Variants in GOLGA6L2 observed in about 807,000 individuals in gnomAD.
GOLGA6L2 encodes golgin A6 family like 2.
Under a neutral mutation model 35.9 loss-of-function variants are expected in GOLGA6L2, and 30 were observed. The ratio of observed to expected loss-of-function variants is 0.83; its 90% confidence interval spans 0.62 to 1.13. The LOEUF (loss-of-function observed/expected upper bound fraction) is 1.13, where lower values mean the gene tolerates loss of function less well. Among genes scored for constraint, GOLGA6L2 ranks in the 50% most tolerant of loss-of-function variants. GOLGA6L2 has a pLI of 0.00. For missense variants in GOLGA6L2, 821 were observed against 973.4 expected, an observed-to-expected ratio of 0.84 and a Z score of 2.08; for synonymous variants, 297 against 344.0, an observed-to-expected ratio of 0.86 and a Z score of 1.51.
rs776370607 is a variant in GOLGA6L2 at position 23,441,222 on chromosome 15, T to A, written c.1253A>T (p.Lys418Met). The A allele has an allele frequency of 1.2e-5, 18 of 1,539,222 alleles. No homozygotes were observed. The South Asian group carries it at 2.1e-4, about 18-fold the overall frequency. ...EKEERMREQE[K>M]MWEQVEKMRE... The stretch of plus-strand genomic sequence containing the variant: ...CATCTTCTCCACCTGCTCCCACATC[T>A]TCTCCTGCTCCCGCATCCTCTCCTC... The change falls in exon 8 of 8, where the codon AAG (lysine) becomes ATG (methionine). Residue 418 changes from lysine (K) to methionine (M), a missense_variant. This residue lies in a region of GOLGA6L2 where 614 missense variants were observed against 632.3 expected (regional missense o/e 0.97). Transcript: ENST00000567107.
Position 23,441,172 on chromosome 15 carries a change from G to A in GOLGA6L2, c.1303C>T (p.Gln435Ter). Reference protein sequence around the residue: ...KMREEKKMQEQEKKTRDQEEK... With the variant: ...KMREEKKMQE The stretch of plus-strand genomic sequence containing the variant: ...TCCTGGTCCCGCGTCTTCTTCTCCT[G>A]CTCCTGCATCTTCTTCTCCTCCCGC... Residue 435 changes from glutamine to a stop codon, truncating the protein, a stop_gained, in exon 8 of 8, where the codon CAG becomes TAG. Transcript: ENST00000567107. LOFTEE classifies it low-confidence loss of function (END_TRUNC). 1 of 1,522,988 alleles carries A rather than the reference G, an allele frequency of 6.6e-7. No homozygotes were observed. The highest frequency in any genetic ancestry group is 8.7e-7 in the Non-Finnish European group (1 of 1,143,460). The allele number at this position is 1,522,988 out of a possible 1,614,324, so 94.3% of individuals were successfully genotyped here.
chr15:23,440,858 C>A lies in GOLGA6L2; in HGVS notation c.1617G>T (p.Met539Ile). The A allele has an allele frequency of 6.6e-7, 1 of 1,504,220 alleles. No homozygotes were observed. 93.2% of individuals were successfully genotyped at this position (1,504,220 alleles called of 1,614,324 possible). Reference sequence around the variant, plus strand: ...CTGTCTCCACATCTTCCTGCTCCCGCATCTTCTCCTGCCGCCACATCTTCT... The same window carrying A: ...CTGTCTCCACATCTTCCTGCTCCCGAATCTTCTCCTGCCGCCACATCTTCT... ...QEKKMWRQEK[M>I]REQEDVETGG... Residue 539 changes from methionine to isoleucine, a missense_variant, in exon 8 of 8, where the codon ATG (methionine) becomes ATT (isoleucine). By Grantham distance (10) the Met-to-Ile change is conservative (BLOSUM62 1). Around this residue, in one of 7 missense-constraint regions of GOLGA6L2, gnomAD observed 614 missense variants for 632.3 expected, o/e 0.97. Coordinates refer to ENST00000567107, the MANE Select transcript of GOLGA6L2 (RefSeq NM_001304388.2).
chr15:23,446,029 C>A (rs1377638379), intron 1 of GOLGA6L2, among the ~76,000 whole-genome samples: 2 of 152,164 alleles, frequency 1.3e-5, no homozygotes, highest in Non-Finnish European at 1.5e-5. Context: ...TCCTGTGGCA[C>A]TCAAAGTACC....
chr15:23,446,387 G>C (rs1886785128), intron 1 of GOLGA6L2, among the ~76,000 whole-genome samples: 2 of 152,170 alleles, frequency 1.3e-5, no homozygotes. Flanking sequence ...TAGGTCACAT[G>C]GTCCCTACTC....
chr15:23,439,701 C>T lies in GOLGA6L2; in HGVS notation c.*44G>A. ...GGGTTGTCCTGCGGAGAACCCTCCC[C>T]AGCCTCTCCTCCTGCAGGCTCCACA... On this transcript the variant is annotated 3_prime_UTR_variant, in exon 8 of 8. Transcript: ENST00000567107. 1.3e-6 allele frequency: 2 copies of T among 1,537,524 alleles called. No homozygotes were observed. Among genetic ancestry groups the T allele is most frequent in the East Asian group, 2.4e-5 (1 of 40,932 alleles).
Position 23,441,965 on chromosome 15 carries a change from C to A in GOLGA6L2, c.792+14G>T. ...GATGGGTCTCCCACAACCCCTGGGGCTGCAGCCGCTCACCTGTGGCAGCAG... is the reference window on the plus strand; with the variant it reads ...GATGGGTCTCCCACAACCCCTGGGGATGCAGCCGCTCACCTGTGGCAGCAG... On this transcript the variant is annotated intron_variant, in intron 7 of 7. Transcript: ENST00000567107. 2.6e-6 allele frequency: 4 copies of A among 1,541,724 alleles called. No individual in the cohort carries two copies. Among genetic ancestry groups the A allele is most frequent in the Non-Finnish European group, 3.5e-6 (4 of 1,151,148 alleles).
Position 23,444,605 on chromosome 15 carries a change from C to T in GOLGA6L2, c.214-105G>A, listed in dbSNP as rs1480991604. ...GTCAGGAATGGATTTTAAAGGGCAA[C>T]GTTCTCAGACCCAATGGGAACATGA... On this transcript the variant is annotated intron_variant, in intron 2 of 7. Coordinates refer to ENST00000567107, the MANE Select transcript of GOLGA6L2 (RefSeq NM_001304388.2). The T allele has an allele frequency of 1.0e-4, 97 of 928,052 alleles. 1 individual carries two copies. The South Asian group carries it at 1.2e-3, about 12-fold the overall frequency. 57.5% of individuals were successfully genotyped at this position (928,052 alleles called of 1,614,324 possible). A position where few individuals can be genotyped will look rare whatever the true frequency, so the allele number is the denominator to read the frequency against.
chr15:23,442,197 G>A lies in GOLGA6L2; in HGVS notation c.651-77C>T, dbSNP rs58692594. On this transcript the variant is annotated intron_variant, in intron 6 of 7. Transcript: ENST00000567107. ...CTTTGGTGATCAACCCTCTACTCTCGCCCCACAAGCACAGAACCGTGGCAC... is the reference window on the plus strand; with the variant it reads ...CTTTGGTGATCAACCCTCTACTCTCACCCCACAAGCACAGAACCGTGGCAC... The A allele has an allele frequency of 8.6e-3, 12,661 of 1,465,686 alleles. 835 individuals are homozygous for A. In the African/African-American group the frequency reaches 0.15, roughly 17 times the overall value. The allele number at this position is 1,465,686 out of a possible 1,614,324, so 90.8% of individuals were successfully genotyped here.
At position 23,441,547 on chromosome 15, in the gene GOLGA6L2, G is replaced by A. The variant is rs926887499; in HGVS notation, c.928C>T (p.Arg310Trp). The change falls in exon 8 of 8, where the codon CGG (arginine) becomes TGG (tryptophan). Residue 310 changes from arginine to tryptophan, a missense_variant. Physicochemically the swap from Arg to Trp is moderately radical, Grantham distance 101 (BLOSUM62 -3). Around this residue, in one of 7 missense-constraint regions of GOLGA6L2, gnomAD observed 614 missense variants for 632.3 expected, o/e 0.97. Coordinates refer to ENST00000567107, the MANE Select transcript of GOLGA6L2 (RefSeq NM_001304388.2). ...ERLREQEGKM[R>W]EQEEKMRRQE... The stretch of plus-strand genomic sequence containing the variant: ...CTCCGCATCTTCTCCTCCTGCTCCC[G>A]CATCTTCCCCTCCTGCTCCCGCAGT... 65 of 1,449,406 alleles carry A rather than the reference G, an allele frequency of 4.5e-5. No homozygotes were observed. The highest frequency in any genetic ancestry group is 8.6e-5 in the African/African-American group (6 of 69,538). The allele number at this position is 1,449,406 out of a possible 1,614,324, so 89.8% of individuals were successfully genotyped here.
chr15:23,442,369 C>T, intron 6 of GOLGA6L2, 81 bp downstream of exon 6: 2 of 1,309,912 alleles, frequency 1.5e-6, no homozygotes, highest in South Asian at 1.3e-5. Context: ...CCCTACCATG[C>T]TCACCTGTAC....
At chr15:23,443,629 G>A in intron 5 of GOLGA6L2, 148 bp downstream of exon 5, 1 of 765,456 alleles carries the variant, frequency 1.3e-6, no homozygotes, top group South Asian at 1.5e-5. Flanking sequence ...GCCCCAACCT[G>A]CCTCTAATAA....
chr15:23,439,270 G>A lies in GOLGA6L2; in HGVS notation c.*475C>T, dbSNP rs150524137. ...TGTGATTACAGGCGTGCACAACCAC[G>A]CCCGGCTAACTTGTATTTTTAGTAG... On this transcript the variant is annotated 3_prime_UTR_variant, in exon 8 of 8. Coordinates refer to ENST00000567107, the MANE Select transcript of GOLGA6L2 (RefSeq NM_001304388.2). Among the ~76,000 whole-genome samples the A allele has an allele frequency of 5.8e-3, 857 of 148,402 alleles. 6 individuals carry two copies. Among genetic ancestry groups the A allele is most frequent in the African/African-American group, 0.019 (749 of 40,480 alleles).
rs1176199090 is a variant in GOLGA6L2 at position 23,447,097 on chromosome 15, C to A, written c.84+1G>T. ...GGGTGCCGCAACCCAGTGAGTTTTACCTTTTTCTTGGCCTCAGCCAATTTG... is the reference window on the plus strand; with the variant it reads ...GGGTGCCGCAACCCAGTGAGTTTTAACTTTTTCTTGGCCTCAGCCAATTTG... On this transcript the variant is annotated splice_donor_variant, in intron 1 of 7. Transcript: ENST00000567107. LOFTEE classifies it high-confidence loss of function. 1.3e-6 allele frequency: 2 copies of A among 1,547,956 alleles called. No homozygotes were observed. The highest frequency in any genetic ancestry group is 1.8e-6 in the Non-Finnish European group (2 of 1,141,552).
At position 23,439,182 on chromosome 15, in the gene GOLGA6L2, G is replaced by A. The variant is rs980389653; in HGVS notation, c.*563C>T. 6.2e-5 allele frequency among the ~76,000 whole-genome samples: 3 copies of A among 48,128 alleles called. No individual in the cohort carries two copies. Among genetic ancestry groups the A allele is most frequent in the Admixed American group, 3.5e-4 (1 of 2,858 alleles). 31.6% of individuals were successfully genotyped at this position (48,128 alleles called of 152,430 possible). A position where few individuals can be genotyped will look rare whatever the true frequency, so the allele number is the denominator to read the frequency against. On this transcript the variant is annotated 3_prime_UTR_variant, in exon 8 of 8. Coordinates refer to ENST00000567107, the MANE Select transcript of GOLGA6L2 (RefSeq NM_001304388.2). ...TTTTTTTTTTTTGAGATGGAATCTC[G>A]CTCTGTCATCCAGGCTGGAATGCGG...
chr15:23,446,464 C>T (rs539945521), intron 1 of GOLGA6L2, among the ~76,000 whole-genome samples: 20 of 152,274 alleles, frequency 1.3e-4, no homozygotes, highest in Admixed American at 7.2e-4. Flanking sequence ...ACTTAGGGGA[C>T]GGGTCCTAAG....
intron 5 of GOLGA6L2, 74 bp from the exon 6 acceptor site, chr15:23,442,582 A>C: frequency 7.4e-7 from 1 of 1,349,874 alleles, no homozygotes; most frequent in Non-Finnish European, 1.0e-6. Context: ...CAACAGCTAC[A>C]CTGATACTCC....
At chr15:23,446,754 G>A (rs1010527588) in intron 1 of GOLGA6L2, among the ~76,000 whole-genome samples, 17 of 151,592 alleles carry the variant, frequency 1.1e-4, no homozygotes, top group African/African-American at 3.4e-4. Flanking sequence ...ACCCTGGGGC[G>A]ACTGGTGAGG....
chr15:23,445,522 A>G (rs1886763845), intron 1 of GOLGA6L2, 84 bp from the exon 2 acceptor site: 1 of 311,362 alleles, frequency 3.2e-6, no homozygotes, highest in Non-Finnish European at 6.1e-6. Context: ...ACTCTCATAG[A>G]CGATCTGATT....
chr15:23,439,358 C>T lies in GOLGA6L2; in HGVS notation c.*387G>A. On this transcript the variant is annotated 3_prime_UTR_variant, in exon 8 of 8. Transcript: ENST00000567107. Reference sequence around the variant, plus strand: ...ACTCCTGACCTCAGGTGATCCACCCCCTCTAGGTCTCCCAAAGTGCTGCGG... The same window carrying T: ...ACTCCTGACCTCAGGTGATCCACCCTCTCTAGGTCTCCCAAAGTGCTGCGG... 2.9e-6 allele frequency: 1 copy of T among 344,234 alleles called. No individual in the cohort carries two copies. Among genetic ancestry groups the T allele is most frequent in the Non-Finnish European group, 5.6e-6 (1 of 179,908 alleles). The allele number at this position is 344,234 out of a possible 1,614,324, so 21.3% of individuals were successfully genotyped here.
Sources: gnomAD v4.1 joint callset for allele counts (sites outside exome capture counted in the v4.1 genomes callset) on GRCh38, gnomAD v4.1.1 for gene constraint, gnomAD v4.1.1 regional missense constraint, MANE v1.5 for transcripts, NCBI Gene and HGNC (gene_info 2026-07-23, HGNC 2026-07-21) for gene names.